Variants in GLCCI1 observed in about 807,000 individuals in gnomAD.
GLCCI1 encodes glucocorticoid induced 1.
GLCCI1 carries 24 observed loss-of-function variants against 52.2 expected under a neutral mutation model. The ratio of observed to expected loss-of-function variants is 0.46; its 90% confidence interval spans 0.33 to 0.65. The LOEUF is 0.65. Among genes scored for constraint, GLCCI1 ranks in the 30% least tolerant of loss-of-function variants. The probability of loss-of-function intolerance (pLI) is 0.02; values close to 1 mark genes in which losing one functional copy is unlikely to be tolerated. For missense variants in GLCCI1, 704 were observed against 701.5 expected, an observed-to-expected ratio of 1.00 and a Z score of -0.04; for synonymous variants, 310 against 276.5, an observed-to-expected ratio of 1.12 and a Z score of -1.20.
chr7:7,978,228 G>A (rs1211696997), intron 1 of GLCCI1, among the ~76,000 whole-genome samples: 1 of 151,950 alleles, frequency 6.6e-6, no homozygotes, highest in Non-Finnish European at 1.5e-5. Context: ...GTAGAATAAG[G>A]TCTCTTTTTT....
At chr7:8,023,968 A>T (rs1234257331) in intron 3 of GLCCI1, among the ~76,000 whole-genome samples, 1 of 152,090 alleles carries the variant, frequency 6.6e-6, no homozygotes, top group African/African-American at 2.4e-5. Context: ...TAATTGTTTC[A>T]AGTTTTTAAA....
At chr7:7,971,050 T>A (rs908494653) in intron 1 of GLCCI1, among the ~76,000 whole-genome samples, 2 of 152,230 alleles carry the variant, frequency 1.3e-5, no homozygotes, top group African/African-American at 4.8e-5. Flanking sequence ...GACCCGTAAT[T>A]AGCATGTTGC....
rs1163856381 is a variant in GLCCI1, at chr7:8,079,383, AC to A, written c.1178-5513del. Among the ~76,000 whole-genome samples, 18 of 147,012 alleles carry A rather than the reference AC, an allele frequency of 1.2e-4. 2 individuals carry two copies. Among genetic ancestry groups the A allele is most frequent in the African/African-American group, 4.6e-4 (17 of 36,632 alleles). On this transcript the variant is annotated intron_variant, in intron 6 of 7. Coordinates refer to ENST00000223145, the MANE Select transcript of GLCCI1 (RefSeq NM_138426.4). The stretch of plus-strand genomic sequence containing the variant: ...TTACAGTGATTTTCTTGAGATACCT[AC>A]TTTTGCGCAAGATACAAAATATTTT...
intron 1 of GLCCI1, among the ~76,000 whole-genome samples, chr7:7,986,411 G>A (rs1188245143): frequency 6.6e-6 from 1 of 152,020 alleles, no homozygotes; most frequent in African/African-American, 2.4e-5. Context: ...TGTAGTCCCA[G>A]CTACTCAGGA....
chr7:8,053,319 T>TG (rs1554262345), intron 3 of GLCCI1, among the ~76,000 whole-genome samples: 4 of 92,226 alleles, frequency 4.3e-5, no homozygotes, highest in African/African-American at 1.0e-4. Flanking sequence ...GTTTTCGTTT[T>TG]TTTTTTTGTT....
chr7:8,063,967 T>C (rs1782574218), intron 5 of GLCCI1, among the ~76,000 whole-genome samples: 1 of 152,114 alleles, frequency 6.6e-6, no homozygotes, highest in African/African-American at 2.4e-5. Context: ...TTTTTGCTTG[T>C]TCATTTGTTT....
rs146336951 is a variant in GLCCI1, at chr7:8,021,115, C to T, written c.610-1368C>T. ...TATTCAGCTAGCATTCAGTTGTTAACGGTTTTTTTGAATATCATTGCTTTT... is the reference window on the plus strand; with the variant it reads ...TATTCAGCTAGCATTCAGTTGTTAATGGTTTTTTTGAATATCATTGCTTTT... On this transcript the variant is annotated intron_variant, in intron 2 of 7. Transcript: ENST00000223145. Among the ~76,000 whole-genome samples the T allele has an allele frequency of 2.8e-3, 425 of 152,198 alleles. 1 individual carries two copies. The highest frequency in any genetic ancestry group is 8.5e-3 in the African/African-American group (352 of 41,532).
intron 5 of GLCCI1, among the ~76,000 whole-genome samples, chr7:8,061,010 C>A (rs1333531933): frequency 1.3e-5 from 2 of 151,808 alleles, no homozygotes; most frequent in African/African-American, 2.4e-5. Context: ...TTATAGCAAT[C>A]TTAGTGGATG....
Position 7,969,893 on chromosome 7 carries a change from T to C in GLCCI1, c.457+86T>C. The C allele has an allele frequency of 8.5e-7, 1 of 1,180,492 alleles. No individual in the cohort carries two copies. The highest frequency in any genetic ancestry group is 1.6e-5 in the African/African-American group (1 of 60,628). The allele number at this position is 1,180,492 out of a possible 1,614,324, so 73.1% of individuals were successfully genotyped here. ...AAACTTCAGCCTCTTCGGGCTTCTC[T>C]TTGCTAGTGCATTATCGAAGGTGTG... On this transcript the variant is annotated intron_variant, in intron 1 of 7. Coordinates refer to ENST00000223145, the MANE Select transcript of GLCCI1 (RefSeq NM_138426.4). This position sits in a 1 kb window ranked among gnomAD's most constrained non-coding sequence, Gnocchi z 4.9.
chr7:8,029,613 G>A (rs1190651464), intron 3 of GLCCI1, among the ~76,000 whole-genome samples: 1 of 152,148 alleles, frequency 6.6e-6, no homozygotes, highest in East Asian at 1.9e-4. Context: ...TGGAAAGGAA[G>A]AAGTCAAATT....
chr7:8,066,749 G>A lies in GLCCI1; in HGVS notation c.967-4172G>A, dbSNP rs111672180. On this transcript the variant is annotated intron_variant, in intron 5 of 7. Coordinates refer to ENST00000223145, the MANE Select transcript of GLCCI1 (RefSeq NM_138426.4). ...TATTGTACTGTGGTCCAAGAGTGTG[G>A]TTGGCATGATTTCAGTTTTTTTGAA... 2.6e-4 allele frequency among the ~76,000 whole-genome samples: 39 copies of A among 151,994 alleles called. 1 individual carries two copies. The highest frequency in any genetic ancestry group is 5.8e-4 in the African/African-American group (24 of 41,480).
At chr7:8,052,449 T>G (rs983347616) in intron 3 of GLCCI1, among the ~76,000 whole-genome samples, 9 of 152,218 alleles carry the variant, frequency 5.9e-5, no homozygotes, top group Non-Finnish European at 2.9e-5. Context: ...GCTTAAAAGT[T>G]TAGTTATCAG....
chr7:8,048,933 T>A (rs1375416752), intron 3 of GLCCI1, among the ~76,000 whole-genome samples: 4 of 152,210 alleles, frequency 2.6e-5, no homozygotes, highest in Admixed American at 2.0e-4. Context: ...TTACCCTTTG[T>A]CCCAGAGGGA....
At chr7:8,062,923 T>G (rs1243662691) in intron 5 of GLCCI1, among the ~76,000 whole-genome samples, 2 of 152,222 alleles carry the variant, frequency 1.3e-5, no homozygotes, top group Non-Finnish European at 2.9e-5. Flanking sequence ...AGTACTGTCA[T>G]GAACATATGC....
At chr7:8,005,302 G>A (rs1781126421) in intron 2 of GLCCI1, among the ~76,000 whole-genome samples, 2 of 151,956 alleles carry the variant, frequency 1.3e-5, no homozygotes, top group Non-Finnish European at 2.9e-5. Context: ...TACTTATAGA[G>A]TATGAAAGAA....
chr7:8,013,261 T>A (rs1781306074), intron 2 of GLCCI1, among the ~76,000 whole-genome samples: 1 of 152,208 alleles, frequency 6.6e-6, no homozygotes. Context: ...TTGATATTTC[T>A]GGAGTTTATT....
intron 1 of GLCCI1, among the ~76,000 whole-genome samples, chr7:7,995,963 A>G (rs1304795814): frequency 2.6e-5 from 4 of 152,186 alleles, no homozygotes; most frequent in Non-Finnish European, 5.9e-5. Context: ...AAGAGAGCCT[A>G]TTTTATAACC....
intron 1 of GLCCI1, among the ~76,000 whole-genome samples, chr7:7,983,764 T>C (rs997744850): frequency 4.6e-5 from 7 of 152,236 alleles, no homozygotes; most frequent in Admixed American, 4.6e-4. Context: ...ATTATATTTG[T>C]GTTGCCCATT....
intron 3 of GLCCI1, 62 bp from the exon 4 acceptor site, chr7:8,055,370 TA>T: frequency 1.0e-6 from 1 of 968,938 alleles, no homozygotes; most frequent in Non-Finnish European, 1.6e-6. Context: ...ACTGAAGAAA[TA>T]AATATAAAAA....
Sources: allele counts gnomAD v4.1 joint callset (sites outside exome capture counted in the v4.1 genomes callset), GRCh38; gene constraint gnomAD v4.1.1; non-coding constraint Gnocchi (gnomAD v3.1); transcripts MANE v1.5; gene names NCBI Gene and HGNC (gene_info 2026-07-23, HGNC 2026-07-21).